Variants in RNASEL observed in about 807,000 individuals in gnomAD.
The protein encoded by RNASEL is ribonuclease L.
In RNASEL, 36 loss-of-function variants were observed where a neutral mutation model predicts 50.9. The ratio of observed to expected loss-of-function variants is 0.71; its 90% CI spans 0.54 to 0.93. RNASEL has a LOEUF of 0.93. Ranked by LOEUF, RNASEL falls within the 40% of genes least tolerant of loss-of-function variation. The pLI, the probability that RNASEL is intolerant of heterozygous loss-of-function variation, is 0.00. For synonymous variants in RNASEL, 335 were observed against 335.6 expected (o/e 1.00, Z 0.02); for missense variants, 860 against 894.5 (o/e 0.96, Z 0.49).
Position 182,586,267 on chromosome 1 carries a change from G to A in RNASEL, c.540C>T (p.His180=), listed in dbSNP as rs753288293. Residue 180 remains histidine (H), a synonymous_variant, in exon 2 of 7, where the codon CAC becomes CAT. Coordinates refer to ENST00000367559, the MANE Select transcript of RNASEL (RefSeq NM_021133.4). ...TALMDAAEKG[H]VEVLKILLDE... is the part of the protein sequence containing the mutation. ...CAAGGAGAATCTTCAAGACCTCTAC[G>A]TGTCCTTTTTCAGCAGCGTCCATGA... 6.2e-7 allele frequency: 1 copy of A among 1,614,174 alleles called. No homozygotes were observed. Among genetic ancestry groups the A allele is most frequent in the Non-Finnish European group, 8.5e-7 (1 of 1,180,036 alleles).
intron 5 of RNASEL, 106 bp downstream of exon 5, chr1:182,581,109 ACCTCTTTGAG>A (rs1661484889): frequency 6.6e-7 from 1 of 1,505,838 alleles, no homozygotes; most frequent in Non-Finnish European, 9.2e-7. Context: ...AGGCAAAATC[ACCTCTTTGAG>A]CCTCTGGTTT....
Position 182,582,776 on chromosome 1 carries a change from G to C in RNASEL, c.1567-518C>G, listed in dbSNP as rs144467001. ...TTGCACTAGCCACCAGTCAAGGAGG[G>C]AGCTGAAATCTGATGCCACCAAACC... On this transcript the variant is annotated intron_variant, in intron 3 of 6. Transcript: ENST00000367559. Among the ~76,000 whole-genome samples, 9 of 152,310 alleles carry C rather than the reference G, an allele frequency of 5.9e-5. No individual in the cohort carries two copies. In the East Asian group the frequency reaches 1.5e-3, roughly 26 times the overall value.
At chr1:182,582,346 G>A (rs1249880216) in intron 3 of RNASEL, 88 bp from the exon 4 acceptor site, 4 of 1,457,846 alleles carry the variant, frequency 2.7e-6, no homozygotes, top group Non-Finnish European at 3.8e-6. Flanking sequence ...TAGCAAACAA[G>A]ATGATGGGAG....
At chr1:182,583,371 C>T (rs1661530539) in intron 3 of RNASEL, among the ~76,000 whole-genome samples, 1 of 152,196 alleles carries the variant, frequency 6.6e-6, no homozygotes, top group South Asian at 2.1e-4. Flanking sequence ...ACAGGGGAGT[C>T]AGGACAGTGA....
chr1:182,574,873 A>G lies in RNASEL; in HGVS notation c.*519T>C, dbSNP rs1352825285. 4.2e-6 allele frequency: 1 copy of G among 239,352 alleles called. No homozygotes were observed. Among genetic ancestry groups the G allele is most frequent in the East Asian group, 6.0e-5 (1 of 16,718 alleles). The allele number at this position is 239,352 out of a possible 1,614,324, so 14.8% of individuals were successfully genotyped here. ...TGAATGAGATTCCTGGAACCCCTATATATGTTTTGGGCCTCATCTGGAAGA... is the reference window on the plus strand; with the variant it reads ...TGAATGAGATTCCTGGAACCCCTATGTATGTTTTGGGCCTCATCTGGAAGA... On this transcript the variant is annotated 3_prime_UTR_variant, in exon 7 of 7. Coordinates refer to ENST00000367559, the MANE Select transcript of RNASEL (RefSeq NM_021133.4).
rs138606663 is a variant in RNASEL at position 182,586,552 on chromosome 1, A to G, written c.255T>C (p.Pro85=). The stretch of plus-strand genomic sequence containing the variant: ...TGGCCCCATTCTTCTTCCTCAGAAC[A>G]GGGTCAGCACCATGACGAAGCAGAA... The part of the protein sequence containing the change: ...VELLLRHGAD[P]VLRKKNGATP... The change falls in exon 2 of 7, where the codon CCT becomes CCC. Residue 85 remains proline (P), a synonymous_variant. Transcript: ENST00000367559. 4.5e-5 allele frequency: 73 copies of G among 1,607,770 alleles called. No homozygotes were observed. The African/African-American group carries it at 8.7e-4, about 19-fold the overall frequency.
intron 4 of RNASEL, 114 bp from the exon 5 acceptor site, chr1:182,581,471 TTC>T (rs369666224): frequency 2.0e-4 from 196 of 971,028 alleles, no homozygotes; most frequent in East Asian, 6.7e-4. Context: ...TGGTTTTTCT[TTC>T]TTTTTTTTTT....
chr1:182,573,791 T>C lies in RNASEL; in HGVS notation c.*1601A>G, dbSNP rs1661335116. ...ATTTTTTAAGCCTTAAATTTGTTCC[T>C]AATCAACATTTAATTTCATTCAGTG... On this transcript the variant is annotated 3_prime_UTR_variant, in exon 7 of 7. Coordinates refer to ENST00000367559, the MANE Select transcript of RNASEL (RefSeq NM_021133.4). The C allele has an allele frequency of 5.4e-6, 1 of 186,056 alleles. No individual in the cohort carries two copies. Among genetic ancestry groups the C allele is most frequent in the Non-Finnish European group, 1.1e-5 (1 of 88,076 alleles). The allele number at this position is 186,056 out of a possible 1,614,324, so 11.5% of individuals were successfully genotyped here.
intron 5 of RNASEL, chr1:182,576,684 C>T (rs1661388953): frequency 8.2e-6 from 2 of 242,806 alleles, no homozygotes; most frequent in South Asian, 6.5e-5. Flanking sequence ...CTGGCCAACA[C>T]AGTGAAACCT....
In RNASEL at chr1:182,586,156, A is replaced by G; in HGVS notation, c.651T>C (p.Asp217=). The G allele has an allele frequency of 6.2e-7, 1 of 1,614,146 alleles. No individual in the cohort carries two copies. Among genetic ancestry groups the G allele is most frequent in the South Asian group, 1.1e-5 (1 of 91,078 alleles). ...GCAGCAGATGCGTAATAGCCTCCAC[A>G]TCACTATCGTCAGAGCTCAGGAGAG... is the stretch of plus-strand genomic sequence containing the variant. The part of the protein sequence containing the change: ...IHALLSSDDS[D]VEAITHLLLD... Residue 217 remains aspartate (D), a synonymous_variant, in exon 2 of 7, where the codon GAT becomes GAC. Transcript: ENST00000367559.
At chr1:182,575,786 T>C (rs1661367241) in intron 6 of RNASEL, among the ~76,000 whole-genome samples, 1 of 152,252 alleles carries the variant, frequency 6.6e-6, no homozygotes, top group Admixed American at 6.5e-5. Flanking sequence ...TTTAGATTGT[T>C]CTTTCATAAA....
At position 182,574,531 on chromosome 1, in the gene RNASEL, T is replaced by G. The variant is rs1048254; in HGVS notation, c.*861A>C. The G allele has an allele frequency of 0.27, 62,457 of 231,944 alleles. 9,073 individuals carry two copies. Among genetic ancestry groups the G allele is most frequent in the Middle Eastern group, 0.39 (301 of 780 alleles). The allele number at this position is 231,944 out of a possible 1,614,324, so 14.4% of individuals were successfully genotyped here. A position where few individuals can be genotyped will look rare whatever the true frequency, so the allele number is the denominator to read the frequency against. The stretch of plus-strand genomic sequence containing the variant: ...TTCAAAAGCATCCCAGCCCCTTAAG[T>G]CAGGTTTTCTCAACCTCAGCACCAT... On this transcript the variant is annotated 3_prime_UTR_variant, in exon 7 of 7. Coordinates refer to ENST00000367559, the MANE Select transcript of RNASEL (RefSeq NM_021133.4).
At chr1:182,588,463 A>G (rs148806659) in intron 1 of RNASEL, among the ~76,000 whole-genome samples, 1 of 152,228 alleles carries the variant, frequency 6.6e-6, no homozygotes, top group Non-Finnish European at 1.5e-5. Context: ...ACACATGTGC[A>G]TATAGCTACT....
Position 182,586,413 on chromosome 1 carries a change from C to T in RNASEL, c.394G>A (p.Ala132Thr), listed in dbSNP as rs2102371887. 1 of 1,614,192 alleles carries T rather than the reference C, an allele frequency of 6.2e-7. No individual in the cohort carries two copies. The highest frequency in any genetic ancestry group is 8.5e-7 in the Non-Finnish European group (1 of 1,180,044). The stretch of plus-strand genomic sequence containing the variant: ...GCTTTGACCTTACCATACACAGCGG[C>T]TTCCATGAAGGCTGTGAAGCCATAA... ...DFYGFTAFME[A>T]AVYGKVKALK... Residue 132 changes from alanine (A) to threonine (T), a missense_variant, in exon 2 of 7, where the codon GCC becomes ACC. Ala to Thr is a moderately conservative substitution (Grantham distance 58). Transcript: ENST00000367559.
chr1:182,577,598 C>T (rs1661414978), intron 5 of RNASEL, among the ~76,000 whole-genome samples: 1 of 151,956 alleles, frequency 6.6e-6, no homozygotes, highest in South Asian at 2.1e-4. Context: ...TATCAAAATA[C>T]CAACATCATT....
In RNASEL at chr1:182,585,922, A is replaced by G. The variant is rs1237643221; in HGVS notation, c.885T>C (p.Arg295=). 6.2e-7 allele frequency: 1 copy of G among 1,614,130 alleles called. No individual in the cohort carries two copies. Among genetic ancestry groups the G allele is most frequent in the Admixed American group, 1.7e-5 (1 of 60,028 alleles). Residue 295 remains arginine (R), a synonymous_variant, in exon 2 of 7, where the codon CGT becomes CGC. Transcript: ENST00000367559. ...GATCCCCACAATCTGTACTGGCTCC[A>G]CGTTTGCACAGCAACTCGGCGATTT... The part of the protein sequence containing the change: ...LKKIAELLCK[R]GASTDCGDLV...
In RNASEL at chr1:182,586,783, G is replaced by T; in HGVS notation, c.24C>A (p.Asn8Lys). The change falls in exon 2 of 7, where the codon AAC becomes AAA. Residue 8 changes from asparagine to lysine, a missense_variant. Transcript: ENST00000367559. MESRDHN[N>K]PQEGPTSSSG... ...TGGAGGACGTGGGTCCCTCCTGGGG[G>T]TTGTTATGATCCCTGCTCTCCATGA... The T allele has an allele frequency of 1.9e-6, 3 of 1,614,198 alleles. No homozygotes were observed. The highest frequency in any genetic ancestry group is 2.5e-6 in the Non-Finnish European group (3 of 1,180,038).
chr1:182,577,891 AC>A (rs1661420472), intron 5 of RNASEL, among the ~76,000 whole-genome samples: 1 of 152,160 alleles, frequency 6.6e-6, no homozygotes, highest in South Asian at 2.1e-4. Flanking sequence ...GGAAAAAGAC[AC>A]CCTATTCAGT....
At position 182,586,923 on chromosome 1, in the gene RNASEL, G is replaced by T; in HGVS notation, c.-117C>A. The T allele has an allele frequency of 1.5e-6, 2 of 1,330,578 alleles. No individual in the cohort carries two copies. The highest frequency in any genetic ancestry group is 2.1e-6 in the Non-Finnish European group (2 of 934,864). The allele number at this position is 1,330,578 out of a possible 1,614,324, so 82.4% of individuals were successfully genotyped here. On this transcript the variant is annotated 5_prime_UTR_variant, in exon 2 of 7. Transcript: ENST00000367559. ...TAAATTGGGATTCTCTGGCAACAGA[G>T]CAGCAGTATGAAGAAGGAACAATGT...
Sources: gnomAD v4.1 joint callset for allele counts (sites outside exome capture counted in the v4.1 genomes callset) on GRCh38, gnomAD v4.1.1 for gene constraint, MANE v1.5 for transcripts, NCBI Gene and HGNC (gene_info 2026-07-23, HGNC 2026-07-21) for gene names.